The following TAF1 variants were observed in gnomAD, a reference collection of about 807,000 sequenced individuals.
TAF1 encodes transcription initiation factor TFIID subunit 1.
A neutral mutation model predicts 138.5 loss-of-function variants in TAF1; 2 were observed. That is an observed-to-expected ratio of 0.01 (90% CI 0.01 to 0.05). The LOEUF (loss-of-function observed/expected upper bound fraction) is 0.05. Ranked by LOEUF, TAF1 falls within the 10% of genes least tolerant of loss-of-function variation. The pLI is 1.00. For synonymous variants in TAF1, 437 were observed against 503.2 expected (o/e 0.87, Z 1.76); for missense variants, 709 against 1,478.0 (o/e 0.48, Z 8.53).
At chrX:71,500,036 G>A (rs1345401062) in intron 13 of TAF1, among the ~76,000 whole-genome samples, 4 of 110,628 alleles carry the variant, frequency 3.6e-5, no homozygotes, top group South Asian at 3.9e-4. Flanking sequence ...GGACATAACC[G>A]ATAGCCCGGG....
intron 8 of TAF1, 39 bp from the exon 9 acceptor site, chrX:71,381,704 G>A (rs2033901859): frequency 8.4e-7 from 1 of 1,184,324 alleles, no homozygotes; most frequent in Non-Finnish European, 1.1e-6. Flanking sequence ...GGGCATAAAT[G>A]TTTTCTCTGT....
intron 32 of TAF1, among the ~76,000 whole-genome samples, chrX:71,450,008 A>G (rs2037882917): frequency 9.0e-6 from 1 of 111,281 alleles, no homozygotes; most frequent in African/African-American, 3.3e-5. Flanking sequence ...ACTGAGCTCA[A>G]GTGATCATCC....
chrX:71,451,431 T>C (rs1172383777), intron 32 of TAF1, among the ~76,000 whole-genome samples: 1 of 112,001 alleles, frequency 8.9e-6, no homozygotes, highest in African/African-American at 3.2e-5. Flanking sequence ...ATAATTATTG[T>C]TCATTATTTT....
chrX:71,399,437 T>C (rs1315931019), intron 24 of TAF1, among the ~76,000 whole-genome samples: 3 of 106,034 alleles, frequency 2.8e-5, no homozygotes, highest in Non-Finnish European at 3.9e-5. Flanking sequence ...TTTGTATTTT[T>C]AGTAGAGACG....
At position 71,377,802 on chromosome X, in the gene TAF1, A is replaced by G; in HGVS notation, c.914A>G (p.Gln305Arg). 8.3e-7 allele frequency: 1 copy of G among 1,207,397 alleles called. No individual in the cohort carries two copies. The highest frequency in any genetic ancestry group is 1.1e-6 in the Non-Finnish European group (1 of 893,828). Residue 305 changes from glutamine to arginine, a missense_variant, in exon 6 of 38, where the codon CAG becomes CGG. Physicochemically the swap from Gln to Arg is conservative, Grantham distance 43 (BLOSUM62 1). Around this residue, in one of 14 missense-constraint regions of TAF1, gnomAD observed 201 missense variants for 421.3 expected, o/e 0.48. Coordinates refer to ENST00000423759, the MANE Select transcript of TAF1 (RefSeq NM_004606.5). ...TACGCTCCACCACCACCTCCAGAGC[A>G]GTGTCTCTCTGATGATGAAGTAGGC... ...YDYAPPPPPE[Q>R]CLSDDEITMM...
At position 71,394,051 on chromosome X, in the gene TAF1, C is replaced by G. The variant is rs1168734774; in HGVS notation, c.3228-16C>G. ...TTTCTTTAGTTCTTTCTGCACATTG[C>G]TTTTTCTCTTTTTAGGGTTCTGTCA... On this transcript the variant is annotated splice_polypyrimidine_tract_variant and intron_variant, in intron 21 of 37. Coordinates refer to ENST00000423759, the MANE Select transcript of TAF1 (RefSeq NM_004606.5). The G allele has an allele frequency of 8.4e-7, 1 of 1,185,860 alleles. No individual in the cohort carries two copies. Among genetic ancestry groups the G allele is most frequent in the East Asian group, 3.0e-5 (1 of 33,515 alleles).
At chrX:71,508,066 TTC>T (rs369650229) in intron 13 of TAF1, among the ~76,000 whole-genome samples, 30 of 83,564 alleles carry the variant, frequency 3.6e-4, no homozygotes, top group Non-Finnish European at 5.3e-4. Context: ...TATATGAATA[TTC>T]TCTCTCTCTC....
At chrX:71,492,515 C>T (rs2039310227) in intron 13 of TAF1, 1 of 123,606 alleles carries the variant, frequency 8.1e-6, no homozygotes, top group Non-Finnish European at 1.7e-5. Context: ...ACCTTGCCGC[C>T]GTCGCGCTGC....
chrX:71,369,305 A>G (rs1423371788), intron 3 of TAF1, among the ~76,000 whole-genome samples: 6 of 111,573 alleles, frequency 5.4e-5, no homozygotes, highest in African/African-American at 2.0e-4. Flanking sequence ...GCCTAAAACA[A>G]TGAACTTGAT....
intron 7 of TAF1, 51 bp from the exon 8 acceptor site, chrX:71,378,773 C>A: frequency 8.7e-7 from 1 of 1,154,071 alleles, no homozygotes; most frequent in Non-Finnish European, 1.2e-6. Context: ...GGAGTGGAAA[C>A]CTTGACCAGT....
At chrX:71,428,031 T>C (rs1602639922) in intron 32 of TAF1, among the ~76,000 whole-genome samples, 3 of 81,110 alleles carry the variant, frequency 3.7e-5, no homozygotes, top group Non-Finnish European at 2.3e-5. Flanking sequence ...TTTTTTTTTT[T>C]CTGAGATGGA....
At chrX:71,409,754 C>T (rs999935560) in intron 28 of TAF1, among the ~76,000 whole-genome samples, 1 of 111,502 alleles carries the variant, frequency 9.0e-6, no homozygotes, top group Non-Finnish European at 1.9e-5. Flanking sequence ...CACTATCGAC[C>T]CCTGCCACAC....
rs1244080116 is a variant in TAF1 at position 71,449,070 on chromosome X, G to A, written c.4754-5100G>A. Among the ~76,000 whole-genome samples the A allele has an allele frequency of 5.9e-5, 6 of 101,759 alleles. No individual in the cohort carries two copies. The East Asian group carries it at 1.8e-3, about 31-fold the overall frequency. 88.4% of individuals were successfully genotyped at this position (101,759 alleles called of 115,157 possible). On this transcript the variant is annotated intron_variant, in intron 32 of 37. Transcript: ENST00000423759. ...TTCAATGGCGCGATCTCGGCTCACC[G>A]CAACCTCTGCCTCCCGGGTTCAAGC... is the stretch of plus-strand genomic sequence containing the variant.
chrX:71,481,259 A>G (rs777741706), intron 13 of TAF1, among the ~76,000 whole-genome samples: 1 of 112,164 alleles, frequency 8.9e-6, no homozygotes, highest in Non-Finnish European at 1.9e-5. Context: ...AGCCTGGGCA[A>G]CAAGAGTGAA....
At chrX:71,401,842 T>C in intron 25 of TAF1, 103 bp downstream of exon 25, 1 of 792,322 alleles carries the variant, frequency 1.3e-6, no homozygotes, top group Non-Finnish European at 1.9e-6. Flanking sequence ...GAAGTGGAAC[T>C]GAAGGAACAG....
chrX:71,476,830 T>C (rs1354745550), intron 13 of TAF1, among the ~76,000 whole-genome samples: 2 of 111,121 alleles, frequency 1.8e-5, no homozygotes, highest in African/African-American at 3.3e-5. Context: ...CAGTGCTAGA[T>C]CAGTTGGTTA....
At chrX:71,453,147 C>G (rs2038119224) in intron 32 of TAF1, among the ~76,000 whole-genome samples, 1 of 111,029 alleles carries the variant, frequency 9.0e-6, no homozygotes, top group South Asian at 3.9e-4. Context: ...CTGTCTTACT[C>G]CAGACCAGTT....
intron 13 of TAF1, among the ~76,000 whole-genome samples, chrX:71,508,272 G>A (rs187488017): frequency 1.1e-3 from 117 of 108,839 alleles, no homozygotes; most frequent in Non-Finnish European, 2.0e-3. Flanking sequence ...CACAGCCTGC[G>A]GGTGTTTTAA....
rs750310783 is a variant in TAF1 at position 71,496,719 on chromosome X, CTCTT to C, written c.1367-31815_1367-31812del. 9.4e-4 allele frequency among the ~76,000 whole-genome samples: 104 copies of C among 110,880 alleles called. No individual in the cohort carries two copies. In the Middle Eastern group the frequency reaches 0.014, roughly 15 times the overall value. ...TTTGTCTCTCTGTCTCTTCCTCTCT[CTCTT>C]TCTTTCTCGCTCTCTTTCTCTCTGA... is the stretch of plus-strand genomic sequence containing the variant. On this transcript the variant is annotated intron_variant and NMD_transcript_variant, in intron 13 of 14. Coordinates refer to the TAF1 transcript ENST00000373775.
Sources: gnomAD v4.1 joint callset for allele counts (sites outside exome capture counted in the v4.1 genomes callset) on GRCh38, gnomAD v4.1.1 for gene constraint, gnomAD v4.1.1 regional missense constraint, MANE v1.5 for transcripts, NCBI Gene and HGNC (gene_info 2026-07-23, HGNC 2026-07-21) for gene names.